Variants in RAD50 observed in about 807,000 individuals in gnomAD.
The protein encoded by RAD50 is RAD50 double strand break repair protein, also known as DNA repair protein RAD50.
Under a neutral mutation model 168.8 loss-of-function variants are expected in RAD50, and 132 were observed. The observed-to-expected ratio is 0.78, with a 90% CI of 0.68 to 0.90. The LOEUF (loss-of-function observed/expected upper bound fraction) is 0.90, where lower values mean the gene tolerates loss of function less well. Ranked by LOEUF, RAD50 falls within the 40% of genes least tolerant of loss-of-function variation. The pLI is 0.00. For synonymous variants in RAD50, 525 were observed against 497.4 expected (o/e 1.06, Z -0.74); for missense variants, 1,347 against 1,534.4 (o/e 0.88, Z 2.04).
chr5:132,610,928 G>A (rs890263783), intron 19 of RAD50, among the ~76,000 whole-genome samples: 2 of 152,128 alleles, frequency 1.3e-5, no homozygotes, highest in Non-Finnish European at 2.9e-5. Context: ...CCTTGTTCCA[G>A]AAATTATTTA....
rs1042428510 is a variant in RAD50 at position 132,632,501 on chromosome 5, CGTG to C, written c.3390-4610_3390-4608del. Among the ~76,000 whole-genome samples, 18 of 151,970 alleles carry C rather than the reference CGTG, an allele frequency of 1.2e-4. 1 individual carries two copies. The highest frequency in any genetic ancestry group is 1.3e-4 in the Non-Finnish European group (9 of 68,012). On this transcript the variant is annotated intron_variant, in intron 21 of 24. Transcript: ENST00000378823. ...TTTCTGAGTTTTTTTTTCCATTTAACGTGGTGATAATCTTTTACGTTCATATAT... is the reference window on the plus strand; with the variant it reads ...TTTCTGAGTTTTTTTTTCCATTTAACGTGATAATCTTTTACGTTCATATAT...
chr5:132,567,175 T>G (rs1236054716), intron 2 of RAD50, among the ~76,000 whole-genome samples: 1 of 151,358 alleles, frequency 6.6e-6, no homozygotes, highest in Non-Finnish European at 1.5e-5. Context: ...AAAGGATCTT[T>G]AATGATTTTT....
rs786203530 is a variant in RAD50 at position 132,587,960 on chromosome 5, T to C, written c.922T>C (p.Tyr308His). The C allele has an allele frequency of 1.9e-6, 3 of 1,613,234 alleles. No homozygotes were observed. The East Asian group carries it at 6.7e-5, about 36-fold the overall frequency. The change falls in exon 7 of 25, where the codon TAT becomes CAT. Residue 308 changes from tyrosine to histidine, a missense_variant. Physicochemically the swap from Tyr to His is moderately conservative, Grantham distance 83 (BLOSUM62 2). Transcript: ENST00000378823. ...QGTDEQLNDLYHNHQRTVREK... is the reference protein window; with the variant it reads ...QGTDEQLNDLHHNHQRTVREK... The stretch of plus-strand genomic sequence containing the variant: ...GACTGATGAGCAACTAAATGACTTA[T>C]ATCACAATCACCAGAGAACAGTAAG...
chr5:132,618,039 G>A, intron 20 of RAD50, 31 bp from the exon 21 acceptor site: 1 of 1,570,476 alleles, frequency 6.4e-7, no homozygotes, highest in Non-Finnish European at 8.8e-7. Context: ...GCTAAAAAAT[G>A]GTCCTCATTT....
intron 21 of RAD50, chr5:132,630,847 C>T (rs1751450534): frequency 6.6e-6 from 1 of 152,176 alleles, no homozygotes. Context: ...TTCTGCTCAT[C>T]ACTAGAGACA....
chr5:132,638,015 A>T, intron 22 of RAD50, 66 bp from the exon 23 acceptor site: 1 of 1,530,352 alleles, frequency 6.5e-7, no homozygotes, highest in South Asian at 1.1e-5. Context: ...CTTACTTGAT[A>T]TGTTTGTAAA....
At chr5:132,575,681 C>A in intron 2 of RAD50, 96 bp from the exon 3 acceptor site, 1 of 1,173,858 alleles carries the variant, frequency 8.5e-7, no homozygotes, top group Non-Finnish European at 1.3e-6. Context: ...TCTTTTTGTT[C>A]CCTCATTTTG....
intron 13 of RAD50, among the ~76,000 whole-genome samples, chr5:132,599,839 G>T (rs1220800788): frequency 1.3e-5 from 2 of 152,012 alleles, no homozygotes; most frequent in African/African-American, 4.8e-5. Context: ...ACCCATTTGG[G>T]CCTTCGTATC....
rs1750629592 is a variant in RAD50 at position 132,588,102 on chromosome 5, G to GT, written c.1051+16dup. ...CTTGTTGAACAGGGTAGGACAAAAT[G>GT]TTTATTTGGTCGTTTTTCCTACTAT... On this transcript the variant is annotated intron_variant, in intron 7 of 24. Transcript: ENST00000378823. The GT allele has an allele frequency of 6.2e-7, 1 of 1,603,756 alleles. No homozygotes were observed. The highest frequency in any genetic ancestry group is 8.5e-7 in the Non-Finnish European group (1 of 1,170,952).
In RAD50 at chr5:132,613,754, G is replaced by A. The variant is rs926278279; in HGVS notation, c.3037-2249G>A. On this transcript the variant is annotated intron_variant, in intron 19 of 24. Transcript: ENST00000378823. Reference sequence around the variant, plus strand: ...TGGGGCTACAGGCGAGTGCCACCAGGCCTGGCTAATTTTTGTATTTTTAGT... The same window carrying A: ...TGGGGCTACAGGCGAGTGCCACCAGACCTGGCTAATTTTTGTATTTTTAGT... Among the ~76,000 whole-genome samples, 3 of 151,776 alleles carry A rather than the reference G, an allele frequency of 2.0e-5. No homozygotes were observed. In the East Asian group the frequency reaches 5.8e-4, roughly 29 times the overall value.
At position 132,587,569 on chromosome 5, in the gene RAD50, T is replaced by C; in HGVS notation, c.764T>C (p.Leu255Pro). ...ATGTTTCTTTATTTTCAGAATCGTC[T>C]AAAAGAAATTGAACATAATCTCTCT... is the stretch of plus-strand genomic sequence containing the variant. ...ENELDPLKNRLKEIEHNLSKI... is the reference protein window; with the variant it reads ...ENELDPLKNRPKEIEHNLSKI... The change falls in exon 6 of 25, where the codon CTA (leucine) becomes CCA (proline). Residue 255 changes from leucine (L) to proline (P), a missense_variant. Around this residue, in one of 3 missense-constraint regions of RAD50, gnomAD observed 703 missense variants for 767.7 expected, o/e 0.92. Coordinates refer to ENST00000378823, the MANE Select transcript of RAD50 (RefSeq NM_005732.4). 6.2e-7 allele frequency: 1 copy of C among 1,612,950 alleles called. No individual in the cohort carries two copies. Among genetic ancestry groups the C allele is most frequent in the Non-Finnish European group, 8.5e-7 (1 of 1,179,574 alleles).
intron 2 of RAD50, among the ~76,000 whole-genome samples, chr5:132,561,528 T>G (rs1054448265): frequency 1.3e-5 from 2 of 152,174 alleles, no homozygotes; most frequent in African/African-American, 2.4e-5. Flanking sequence ...ACACAAGAGT[T>G]GGCCATCTTT....
intron 19 of RAD50, among the ~76,000 whole-genome samples, chr5:132,610,137 T>C (rs562596489): frequency 6.6e-6 from 1 of 152,046 alleles, no homozygotes; most frequent in Non-Finnish European, 1.5e-5. Context: ...AACTCACAGA[T>C]GTATCACATT....
intron 2 of RAD50, among the ~76,000 whole-genome samples, chr5:132,563,778 A>T (rs1750160757): frequency 6.6e-6 from 1 of 151,610 alleles, no homozygotes; most frequent in African/African-American, 2.4e-5. Flanking sequence ...TCAAATTGTA[A>T]CCCCCATTGT....
intron 2 of RAD50, among the ~76,000 whole-genome samples, chr5:132,562,091 A>G (rs1433932962): frequency 6.6e-6 from 1 of 152,234 alleles, no homozygotes; most frequent in Non-Finnish European, 1.5e-5. Flanking sequence ...CTAGTTGCAG[A>G]GTCCCTGAGC....
intron 21 of RAD50, among the ~76,000 whole-genome samples, chr5:132,619,839 T>TATATATATATATAAAA (rs1751250042): frequency 8.6e-6 from 1 of 116,294 alleles, no homozygotes; most frequent in African/African-American, 4.1e-5. Flanking sequence ...TCTCTCTCTA[T>TATATATATATATAAAA]ATATATATAT....
intron 22 of RAD50, among the ~76,000 whole-genome samples, chr5:132,637,679 C>T (rs1042206418): frequency 2.0e-5 from 3 of 152,006 alleles, no homozygotes; most frequent in Non-Finnish European, 4.4e-5. Flanking sequence ...ATTACAGGTG[C>T]GCGCTCCCAC....
In RAD50 at chr5:132,643,875, A is replaced by G. The variant is rs775831519; in HGVS notation, c.*1511A>G. ...ATCTGTTGATAAATCCATCACTATA[A>G]TAAAACCGAAGGTGAAAAAAATTCT... is the stretch of plus-strand genomic sequence containing the variant. On this transcript the variant is annotated 3_prime_UTR_variant, in exon 25 of 25. Transcript: ENST00000378823. The G allele has an allele frequency of 4.7e-5, 11 of 231,626 alleles. No individual in the cohort carries two copies. Among genetic ancestry groups the G allele is most frequent in the Non-Finnish European group, 8.5e-5 (10 of 117,196 alleles). 14.3% of individuals were successfully genotyped at this position (231,626 alleles called of 1,614,324 possible). A position where few individuals can be genotyped will look rare whatever the true frequency, so the allele number is the denominator to read the frequency against.
rs183471020 is a variant in RAD50, at chr5:132,595,473, A to G, written c.1970-100A>G. 4.0e-5 allele frequency: 29 copies of G among 722,702 alleles called. No individual in the cohort carries two copies. In the Admixed American group the frequency reaches 8.7e-4, roughly 22 times the overall value. The allele number at this position is 722,702 out of a possible 1,614,324, so 44.8% of individuals were successfully genotyped here. ...TCTTTTATAATATATTTATAAAGCA[A>G]GAATAATCATATATTTATAGAAAAA... On this transcript the variant is annotated intron_variant, in intron 12 of 24. Coordinates refer to ENST00000378823, the MANE Select transcript of RAD50 (RefSeq NM_005732.4).
Sources: allele counts gnomAD v4.1 joint callset (sites outside exome capture counted in the v4.1 genomes callset), GRCh38; gene constraint gnomAD v4.1.1; regional missense constraint gnomAD v4.1.1; transcripts MANE v1.5; gene names NCBI Gene and HGNC (gene_info 2026-07-23, HGNC 2026-07-21).